The following MGAT4C variants were observed in gnomAD, a reference collection of about 807,000 sequenced individuals.
The protein encoded by MGAT4C is MGAT4 family member C, also known as alpha-1,3-mannosyl-glycoprotein 4-beta-N-acetylglucosaminyltransferase C.
In MGAT4C, 19 loss-of-function variants were observed where a neutral mutation model predicts 40.1. That is an observed-to-expected ratio of 0.47 (90% CI 0.33 to 0.70). The LOEUF is 0.70. Among genes scored for constraint, MGAT4C ranks in the 30% least tolerant of loss-of-function variants. The pLI, the probability that MGAT4C is intolerant of heterozygous loss-of-function variation, is 0.02. For missense variants in MGAT4C, 491 were observed against 563.2 expected, an observed-to-expected ratio of 0.87 and a Z score of 1.30; for synonymous variants, 181 against 187.1, an observed-to-expected ratio of 0.97 and a Z score of 0.27.
rs541402047 is a variant in MGAT4C at position 85,964,011 on chromosome 12, C to T, written c.*15278G>A. 2 of 151,848 alleles carry T rather than the reference C, an allele frequency of 1.3e-5. No individual in the cohort carries two copies. Among genetic ancestry groups the T allele is most frequent in the South Asian group, 4.2e-4 (2 of 4,808 alleles). The allele number at this position is 151,848 out of a possible 1,614,324, so 9.4% of individuals were successfully genotyped here. ...CTATGTTTGCCTAGTTCTCAGATTA[C>T]AACTATGATGATAATTTAGATAAAC... On this transcript the variant is annotated 3_prime_UTR_variant, in exon 5 of 5. Transcript: ENST00000611864.
In MGAT4C at chr12:86,786,055, G is replaced by A. The variant is rs533578542; in HGVS notation, c.-262+52611C>T. Among the ~76,000 whole-genome samples, 46 of 151,998 alleles carry A rather than the reference G, an allele frequency of 3.0e-4. No individual in the cohort carries two copies. In the South Asian group the frequency reaches 9.1e-3, roughly 30 times the overall value. ...CCCGTTACAGCAATTCTATGTTTAC[G>A]ATCATTCAACTTTCACTCCTGCTAT... is the stretch of plus-strand genomic sequence containing the variant. On this transcript the variant is annotated intron_variant, in intron 1 of 7. Transcript: ENST00000548651.
intron 1 of MGAT4C, among the ~76,000 whole-genome samples, chr12:86,799,900 TGA>T (rs966748329): frequency 2.0e-5 from 3 of 151,778 alleles, no homozygotes; most frequent in African/African-American, 7.3e-5. Flanking sequence ...AATTTGAGAG[TGA>T]GAGCATCTTC....
rs796369022 is a variant in MGAT4C at position 86,247,502 on chromosome 12, G to A, written c.-57+8737C>T. Among the ~76,000 whole-genome samples the A allele has an allele frequency of 7.2e-5, 11 of 152,264 alleles. 1 individual carries two copies. Among genetic ancestry groups the A allele is most frequent in the African/African-American group, 2.4e-4 (10 of 41,554 alleles). On this transcript the variant is annotated intron_variant, in intron 1 of 4. Transcript: ENST00000611864. ...TGGCATTAACAATTTAATCAACCAA[G>A]AAAGCCTACAATGGAAACTTTTGAA...
chr12:86,192,320 C>A (rs1295865265), intron 1 of MGAT4C, among the ~76,000 whole-genome samples: 1 of 151,996 alleles, frequency 6.6e-6, no homozygotes, highest in African/African-American at 2.4e-5. Context: ...AAATGGAATC[C>A]TCAAAATTAG....
At chr12:86,274,026 A>G (rs937510259) in intron 4 of MGAT4C, among the ~76,000 whole-genome samples, 1 of 152,192 alleles carries the variant, frequency 6.6e-6, no homozygotes, top group Non-Finnish European at 1.5e-5. Flanking sequence ...GCTCCTGGGG[A>G]TGCCTCAGGA....
chr12:86,536,078 C>A (rs887393356), intron 2 of MGAT4C, among the ~76,000 whole-genome samples: 10 of 151,940 alleles, frequency 6.6e-5, no homozygotes, highest in Non-Finnish European at 1.3e-4. Flanking sequence ...TGCAAAAGTT[C>A]TATGACTACT....
chr12:86,407,143 T>C (rs180825011), intron 3 of MGAT4C, among the ~76,000 whole-genome samples: 74 of 152,218 alleles, frequency 4.9e-4, no homozygotes, highest in Non-Finnish European at 7.2e-4. Flanking sequence ...AGAATACAGA[T>C]GAACAGCCAG....
intron 1 of MGAT4C, among the ~76,000 whole-genome samples, chr12:86,127,676 T>C (rs1253197490): frequency 6.6e-6 from 1 of 152,160 alleles, no homozygotes; most frequent in East Asian, 1.9e-4. Flanking sequence ...ATAAGCTTTT[T>C]TATATTTTTA....
chr12:86,715,729 A>T (rs1178611085), intron 2 of MGAT4C, among the ~76,000 whole-genome samples: 1 of 152,156 alleles, frequency 6.6e-6, no homozygotes, highest in African/African-American at 2.4e-5. Flanking sequence ...TTACTCTGTC[A>T]CTATAATATG....
chr12:86,165,850 T>C (rs57209790), intron 1 of MGAT4C, among the ~76,000 whole-genome samples: 101 of 152,326 alleles, frequency 6.6e-4, no homozygotes, highest in African/African-American at 2.3e-3. Flanking sequence ...CATTTGTTTT[T>C]CTAAGTGCAT....
chr12:86,189,758 G>C (rs1889166531), intron 1 of MGAT4C, among the ~76,000 whole-genome samples: 1 of 151,918 alleles, frequency 6.6e-6, no homozygotes, highest in South Asian at 2.1e-4. Context: ...AAACCAAAGA[G>C]AGTACTGAAG....
In MGAT4C at chr12:85,958,244, T is replaced by G. The variant is rs1194755656; in HGVS notation, c.*21045A>C. ...GCTCTACCACACTCAGATAATGTTT[T>G]GTATTTTTAGTAGAGATGGAGTTTC... On this transcript the variant is annotated 3_prime_UTR_variant, in exon 5 of 5. Transcript: ENST00000611864. The G allele has an allele frequency of 6.6e-6, 1 of 152,110 alleles. No individual in the cohort carries two copies. Among genetic ancestry groups the G allele is most frequent in the Non-Finnish European group, 1.5e-5 (1 of 68,036 alleles). 9.4% of individuals were successfully genotyped at this position (152,110 alleles called of 1,614,324 possible).
intron 4 of MGAT4C, among the ~76,000 whole-genome samples, chr12:86,293,002 T>C (rs781319083): frequency 6.6e-6 from 1 of 152,108 alleles, no homozygotes; most frequent in Non-Finnish European, 1.5e-5. Context: ...GGTTGCAGGT[T>C]AGAGATATCA....
intron 1 of MGAT4C, among the ~76,000 whole-genome samples, chr12:86,749,054 C>T (rs1036710095): frequency 6.6e-6 from 1 of 150,568 alleles, no homozygotes; most frequent in Admixed American, 6.6e-5. Context: ...GTTTACATAT[C>T]GTAAACCTGC....
At chr12:86,783,778 A>G (rs901664297) in intron 1 of MGAT4C, among the ~76,000 whole-genome samples, 5 of 152,154 alleles carry the variant, frequency 3.3e-5, no homozygotes, top group Non-Finnish European at 7.4e-5. Flanking sequence ...TACACTTACA[A>G]TCTCAAACAA....
intron 1 of MGAT4C, among the ~76,000 whole-genome samples, chr12:86,111,978 T>C (rs1345838030): frequency 1.3e-5 from 2 of 151,868 alleles, no homozygotes; most frequent in Non-Finnish European, 2.9e-5. Context: ...TGGCATAAAA[T>C]GCCAAATATG....
At chr12:86,322,683 C>A (rs936993270) in intron 4 of MGAT4C, among the ~76,000 whole-genome samples, 2 of 151,932 alleles carry the variant, frequency 1.3e-5, no homozygotes, top group Admixed American at 6.6e-5. Context: ...ACGGGAAGGG[C>A]AATTTAGTTG....
intron 2 of MGAT4C, among the ~76,000 whole-genome samples, chr12:86,711,965 C>T (rs1485367762): frequency 6.6e-6 from 1 of 152,112 alleles, no homozygotes; most frequent in African/African-American, 2.4e-5. Context: ...GCCCTGGGAG[C>T]AGACTACAAT....
chr12:86,830,620 G>C lies in MGAT4C; in HGVS notation c.-262+8046C>G, dbSNP rs114060813. ...CCAATCTACATAATGGTAGGACCTA[G>C]AGATTACTCATGTTTTTCGAAAGTC... On this transcript the variant is annotated intron_variant, in intron 1 of 7. Transcript: ENST00000548651. Among the ~76,000 whole-genome samples the C allele has an allele frequency of 3.9e-3, 592 of 151,860 alleles. 2 individuals carry two copies. The highest frequency in any genetic ancestry group is 0.014 in the African/African-American group (579 of 41,446).
Sources: gnomAD v4.1 joint callset for allele counts (sites outside exome capture counted in the v4.1 genomes callset) on GRCh38, gnomAD v4.1.1 for gene constraint, MANE v1.5 for transcripts, NCBI Gene and HGNC (gene_info 2026-07-23, HGNC 2026-07-21) for gene names.